The following B4GALNT3 variants were observed in gnomAD, a reference collection of about 807,000 sequenced individuals.
B4GALNT3 encodes the protein beta-1,4-N-acetyl-galactosaminyltransferase 3.
B4GALNT3 carries 86 observed loss-of-function variants against 120.2 expected under a neutral mutation model. The observed-to-expected ratio is 0.72, with a 90% CI of 0.60 to 0.86. The LOEUF is 0.86. Among genes scored for constraint, B4GALNT3 ranks in the 40% least tolerant of loss-of-function variants. B4GALNT3 has a pLI of 0.00. For synonymous variants in B4GALNT3, 518 were observed against 510.4 expected (o/e 1.01, Z -0.20); for missense variants, 1,167 against 1,298.9 (o/e 0.90, Z 1.56).
intron 1 of B4GALNT3, among the ~76,000 whole-genome samples, chr12:476,799 G>A (rs1034626554): frequency 6.6e-6 from 1 of 152,174 alleles, no homozygotes; most frequent in African/African-American, 2.4e-5. Flanking sequence ...CTAGGACAGG[G>A]TGGACCCCAG....
chr12:481,332 C>G (rs1373784703), intron 1 of B4GALNT3, among the ~76,000 whole-genome samples: 1 of 152,248 alleles, frequency 6.6e-6, no homozygotes, highest in Non-Finnish European at 1.5e-5. Context: ...GCTAGCACAT[C>G]AAGCTCTCAG....
chr12:560,290 G>A (rs1043630697), intron 19 of B4GALNT3, among the ~76,000 whole-genome samples: 7 of 152,234 alleles, frequency 4.6e-5, no homozygotes, highest in Admixed American at 6.5e-5. Flanking sequence ...ACGAAGACAC[G>A]CTCACTTCTT....
chr12:512,791 T>G (rs1946605187), intron 1 of B4GALNT3, among the ~76,000 whole-genome samples: 1 of 147,052 alleles, frequency 6.8e-6, no homozygotes, highest in Non-Finnish European at 1.5e-5. Context: ...TCCTTCCACC[T>G]TCCGCCTTCC....
At chr12:479,061 A>G (rs952401910) in intron 1 of B4GALNT3, among the ~76,000 whole-genome samples, 1 of 152,192 alleles carries the variant, frequency 6.6e-6, no homozygotes, top group East Asian at 1.9e-4. Flanking sequence ...AAACCTATTA[A>G]GTCCTGAAGG....
intron 1 of B4GALNT3, among the ~76,000 whole-genome samples, chr12:461,643 T>C (rs1350361190): frequency 6.6e-6 from 1 of 152,220 alleles, no homozygotes; most frequent in East Asian, 1.9e-4. Flanking sequence ...AGCAAGCAGC[T>C]GAGAAGATAC....
chr12:487,712 T>TG (rs34183351), intron 1 of B4GALNT3, among the ~76,000 whole-genome samples: 25,771 of 121,952 alleles, frequency 0.21, 2,649 homozygotes, highest in Middle Eastern at 0.39. Flanking sequence ...GACTCTATCT[T>TG]GAAAAAAAAA....
At chr12:500,390 A>G (rs984828541) in intron 1 of B4GALNT3, among the ~76,000 whole-genome samples, 2 of 152,190 alleles carry the variant, frequency 1.3e-5, no homozygotes, top group Non-Finnish European at 2.9e-5. Context: ...GGTTCATGGG[A>G]GGATCACATC....
chr12:507,743 G>C (rs774654736), intron 1 of B4GALNT3, among the ~76,000 whole-genome samples: 2 of 152,232 alleles, frequency 1.3e-5, no homozygotes, highest in Non-Finnish European at 2.9e-5. Context: ...CATTCCAGCT[G>C]TAGGGCCCGT....
intron 1 of B4GALNT3, among the ~76,000 whole-genome samples, chr12:530,520 C>T (rs1169978586): frequency 6.6e-6 from 1 of 152,200 alleles, no homozygotes; most frequent in Non-Finnish European, 1.5e-5. Context: ...AGTTCCAGAT[C>T]TGCAGCATCA....
At chr12:559,498 C>A in intron 19 of B4GALNT3, 77 bp downstream of exon 19, 1 of 1,580,862 alleles carries the variant, frequency 6.3e-7, no homozygotes, top group South Asian at 1.1e-5. Context: ...GCTACAGCAG[C>A]CTAGCTGTCC....
At chr12:484,871 TC>T (rs1946275929) in intron 1 of B4GALNT3, among the ~76,000 whole-genome samples, 1 of 152,062 alleles carries the variant, frequency 6.6e-6, no homozygotes, top group Non-Finnish European at 1.5e-5. Flanking sequence ...CCCAGACCTT[TC>T]CAGTGGTATG....
At chr12:545,677 G>A in intron 6 of B4GALNT3, among the ~76,000 whole-genome samples, 1 of 141,462 alleles carries the variant, frequency 7.1e-6, no homozygotes, top group Non-Finnish European at 1.5e-5. Flanking sequence ...GCGAGGTGTG[G>A]GGAGGAGCGA....
intron 1 of B4GALNT3, among the ~76,000 whole-genome samples, chr12:471,384 CAATAAATAAATAAATA>C (rs111851364): frequency 4.1e-4 from 57 of 137,350 alleles, no homozygotes; most frequent in African/African-American, 5.9e-4. Flanking sequence ...GACTCTGTCT[CAATAAATAAATAAATA>C]AATAAATAAA....
chr12:470,750 T>G (rs1339379461), intron 1 of B4GALNT3, among the ~76,000 whole-genome samples: 1 of 152,126 alleles, frequency 6.6e-6, no homozygotes, highest in Non-Finnish European at 1.5e-5. Flanking sequence ...TTGTTTTGTT[T>G]TGTTTTGAGA....
At chr12:484,133 C>G (rs1019689441) in intron 1 of B4GALNT3, among the ~76,000 whole-genome samples, 1 of 152,222 alleles carries the variant, frequency 6.6e-6, no homozygotes, top group Non-Finnish European at 1.5e-5. Context: ...GACACCTTCT[C>G]TAATCGTTCC....
intron 13 of B4GALNT3, chr12:552,818 G>A (rs553616929): frequency 7.9e-6 from 4 of 507,018 alleles, no homozygotes; most frequent in African/African-American, 3.9e-5. Flanking sequence ...TGTCCCTGGC[G>A]CACCATTTGG....
chr12:552,235 A>G lies in B4GALNT3; in HGVS notation c.1208+72A>G, dbSNP rs1247028761. ...TGCGGGAGCCAGGAGAGCTGCCTGG[A>G]CCAGGGTGATGGTGGCACCCCAGCC... is the stretch of plus-strand genomic sequence containing the variant. On this transcript the variant is annotated intron_variant, in intron 12 of 19. Transcript: ENST00000266383. 5 of 1,381,008 alleles carry G rather than the reference A, an allele frequency of 3.6e-6. No individual in the cohort carries two copies. The South Asian group carries it at 5.8e-5, about 16-fold the overall frequency. 85.5% of individuals were successfully genotyped at this position (1,381,008 alleles called of 1,614,324 possible). A position where few individuals can be genotyped will look rare whatever the true frequency, so the allele number is the denominator to read the frequency against.
Position 512,366 on chromosome 12 carries a change from TCTTCCAC to T in B4GALNT3, c.170-22781_170-22775del, listed in dbSNP as rs1436546138. Among the ~76,000 whole-genome samples the T allele has an allele frequency of 1.5e-4, 15 of 97,472 alleles. No individual in the cohort carries two copies. In the East Asian group the frequency reaches 2.1e-3, roughly 14 times the overall value. 63.9% of individuals were successfully genotyped at this position (97,472 alleles called of 152,430 possible). ...ACCTTCCACCTTCCGCCTTCGACCT[TCTTCCAC>T]CTTCCACCTTCCACCTTCTTCCACC... On this transcript the variant is annotated intron_variant, in intron 1 of 19. Coordinates refer to ENST00000266383, the MANE Select transcript of B4GALNT3 (RefSeq NM_173593.4).
rs779048290 is a variant in B4GALNT3 at position 546,749 on chromosome 12, CG to C, written c.707+38del. 5 of 1,532,700 alleles carry C rather than the reference CG, an allele frequency of 3.3e-6. No individual in the cohort carries two copies. In the South Asian group the frequency reaches 6.0e-5, roughly 18 times the overall value. The allele number at this position is 1,532,700 out of a possible 1,614,324, so 94.9% of individuals were successfully genotyped here. A position where few individuals can be genotyped will look rare whatever the true frequency, so the allele number is the denominator to read the frequency against. On this transcript the variant is annotated intron_variant, in intron 7 of 19. Transcript: ENST00000266383. The stretch of plus-strand genomic sequence containing the variant: ...GTCAGGACAGGCGCTGTGGGCGCCT[CG>C]GTGCCTCGGTGGAGCCCGGCTGCGC...
Sources: allele counts gnomAD v4.1 joint callset (sites outside exome capture counted in the v4.1 genomes callset), GRCh38; gene constraint gnomAD v4.1.1; transcripts MANE v1.5; gene names NCBI Gene and HGNC (gene_info 2026-07-23, HGNC 2026-07-21).